CCDC83: variants seen among roughly 807,000 people sequenced by gnomAD.
The protein encoded by CCDC83 is coiled-coil domain-containing protein 83.
CCDC83 carries 54 observed loss-of-function variants against 50.1 expected under a neutral mutation model. The observed-to-expected ratio is 1.08, with a 90% confidence interval of 0.87 to 1.35. The LOEUF is 1.35. Ranked by LOEUF, CCDC83 falls within the 40% of genes most tolerant of loss-of-function variation. The pLI, the probability that CCDC83 is intolerant of heterozygous loss-of-function variation, is 0.00. For synonymous variants in CCDC83, 161 were observed against 153.3 expected (o/e 1.05, Z -0.37); for missense variants, 518 against 473.9 (o/e 1.09, Z -0.86).
chr11:85,880,993 T>C (rs1341608224), intron 3 of CCDC83, among the ~76,000 whole-genome samples: 1 of 152,192 alleles, frequency 6.6e-6, no homozygotes, highest in Non-Finnish European at 1.5e-5. Context: ...GTGTTTGGTG[T>C]GCCTGCATTT....
intron 7 of CCDC83, among the ~76,000 whole-genome samples, chr11:85,908,007 T>G (rs886381980): frequency 1.3e-5 from 2 of 152,176 alleles, no homozygotes. Context: ...CCTTAAGGCA[T>G]TCAAGCTTGT....
At chr11:85,902,422 G>A (rs1419132445) in intron 7 of CCDC83, among the ~76,000 whole-genome samples, 1 of 152,130 alleles carries the variant, frequency 6.6e-6, no homozygotes, top group Non-Finnish European at 1.5e-5. Context: ...GAGAAAAACA[G>A]GAAACAGTAT....
Position 85,886,201 on chromosome 11 carries a change from T to A in CCDC83, c.345T>A (p.Asp115Glu). The change falls in exon 5 of 11, where the codon GAT becomes GAA. Residue 115 changes from aspartate to glutamate, a missense_variant and splice_region_variant. Physicochemically the swap from Asp to Glu is conservative, Grantham distance 45. Transcript: ENST00000342404. ...ACACAGTGTCTTTATTTTCAACAGA[T>A]ATGCGCATGCAAATAAGTAATGCTG... ...FERDQEKNLR[D>E]MRMQISNAEK... 3 of 1,571,420 alleles carry A rather than the reference T, an allele frequency of 1.9e-6. No homozygotes were observed. Among genetic ancestry groups the A allele is most frequent in the Non-Finnish European group, 2.6e-6 (3 of 1,160,258 alleles).
chr11:85,908,608 T>TAGATAGAC lies in CCDC83; in HGVS notation c.673-2670_673-2669insTAGACAGA, dbSNP rs1189804934. On this transcript the variant is annotated intron_variant, in intron 7 of 10. Coordinates refer to ENST00000342404, the MANE Select transcript of CCDC83 (RefSeq NM_001286159.2). ...ATAGATAGATAGATAGATAGATAGA[T>TAGATAGAC]AGACAGATAGAATTCATGGCCGGGT... Among the ~76,000 whole-genome samples the TAGATAGAC allele has an allele frequency of 3.1e-3, 413 of 133,246 alleles. 6 individuals are homozygous for TAGATAGAC. The highest frequency in any genetic ancestry group is 3.8e-3 in the African/African-American group (136 of 35,594). 87.4% of individuals were successfully genotyped at this position (133,246 alleles called of 152,430 possible).
At chr11:85,883,539 C>T (rs972609382) in intron 4 of CCDC83, among the ~76,000 whole-genome samples, 1 of 152,066 alleles carries the variant, frequency 6.6e-6, no homozygotes, top group African/African-American at 2.4e-5. Flanking sequence ...TTGCTGTAGG[C>T]TTAGGAAATA....
chr11:85,916,177 G>A lies in CCDC83; in HGVS notation c.1024G>A (p.Glu342Lys). The A allele has an allele frequency of 6.2e-7, 1 of 1,613,496 alleles. No individual in the cohort carries two copies. Among genetic ancestry groups the A allele is most frequent in the Non-Finnish European group, 8.5e-7 (1 of 1,179,618 alleles). Residue 342 changes from glutamate to lysine, a missense_variant, in exon 10 of 11, where the codon GAG becomes AAG. By Grantham distance (56) the Glu-to-Lys change is moderately conservative. Coordinates refer to ENST00000342404, the MANE Select transcript of CCDC83 (RefSeq NM_001286159.2). ...KIDKEENSGT[E>K]FGDTDMKYLL... The stretch of plus-strand genomic sequence containing the variant: ...AGATAAAGAGGAAAACTCAGGCACA[G>A]AGTTTGGGGACACTGATATGAAGTA...
chr11:85,911,406 A>G lies in CCDC83; in HGVS notation c.794+4A>G. On this transcript the variant is annotated splice_donor_region_variant and intron_variant, in intron 8 of 10. Coordinates refer to ENST00000342404, the MANE Select transcript of CCDC83 (RefSeq NM_001286159.2). ...TTGTGGATCTCAAGATACCCAGGTG[A>G]AAATTGTTAATATATAGAGAGTATT... The G allele has an allele frequency of 6.3e-7, 1 of 1,581,122 alleles. No homozygotes were observed. Among genetic ancestry groups the G allele is most frequent in the Non-Finnish European group, 8.6e-7 (1 of 1,166,364 alleles).
chr11:85,900,973 G>A (rs1055423407), intron 7 of CCDC83, among the ~76,000 whole-genome samples: 1 of 151,824 alleles, frequency 6.6e-6, no homozygotes, highest in African/African-American at 2.4e-5. Context: ...GCTAAAGTAT[G>A]AGAATCGCTT....
At position 85,883,146 on chromosome 11, in the gene CCDC83, G is replaced by A. The variant is rs1378009625; in HGVS notation, c.343+471G>A. 2.6e-5 allele frequency among the ~76,000 whole-genome samples: 4 copies of A among 152,034 alleles called. No individual in the cohort carries two copies. In the East Asian group the frequency reaches 5.8e-4, roughly 22 times the overall value. ...TTGCCCAGGCTGGTCTCGAACTCCT[G>A]GGCTCAAGGGATAGTCCCACCTCAG... On this transcript the variant is annotated intron_variant, in intron 4 of 10. Coordinates refer to ENST00000342404, the MANE Select transcript of CCDC83 (RefSeq NM_001286159.2).
At chr11:85,918,467 C>T (rs1336724320) in intron 10 of CCDC83, among the ~76,000 whole-genome samples, 1 of 152,210 alleles carries the variant, frequency 6.6e-6, no homozygotes, top group Non-Finnish European at 1.5e-5. Flanking sequence ...GCATGGGAGA[C>T]TTCCTGGAGG....
chr11:85,857,549 A>T lies in CCDC83; in HGVS notation c.-29+1965A>T, dbSNP rs150534664. ...TCGGGGATGTGAGGCATCTTCAAGG[A>T]GACCATGATTGGGGTCCACAAGCTA... On this transcript the variant is annotated intron_variant, in intron 1 of 10. Transcript: ENST00000342404. 2.0e-3 allele frequency among the ~76,000 whole-genome samples: 299 copies of T among 152,314 alleles called. 1 individual carries two copies. The highest frequency in any genetic ancestry group is 6.9e-3 in the African/African-American group (285 of 41,560).
At chr11:85,879,762 A>G (rs1026139502) in intron 3 of CCDC83, among the ~76,000 whole-genome samples, 1 of 152,018 alleles carries the variant, frequency 6.6e-6, no homozygotes, top group East Asian at 1.9e-4. Flanking sequence ...TGGGATTACA[A>G]GCAGCTGCCA....
In CCDC83 at chr11:85,882,598, T is replaced by G; in HGVS notation, c.266T>G (p.Val89Gly). The G allele has an allele frequency of 6.2e-7, 1 of 1,613,958 alleles. No individual in the cohort carries two copies. Among genetic ancestry groups the G allele is most frequent in the South Asian group, 1.1e-5 (1 of 91,066 alleles). The change falls in exon 4 of 11, where the codon GTT becomes GGT. Residue 89 changes from valine (V) to glycine (G), a missense_variant. Val to Gly is a moderately radical substitution (Grantham distance 109, BLOSUM62 -3). Coordinates refer to ENST00000342404, the MANE Select transcript of CCDC83 (RefSeq NM_001286159.2). Reference sequence around the variant, plus strand: ...GAAGAGAAGGCAGAGGGATTGCCAGTTGTAACAAGAGAGGATGTTGAAGAA... The same window carrying G: ...GAAGAGAAGGCAGAGGGATTGCCAGGTGTAACAAGAGAGGATGTTGAAGAA... ...LSEEKAEGLP[V>G]VTREDVEEAM...
intron 7 of CCDC83, among the ~76,000 whole-genome samples, chr11:85,904,540 C>A (rs548861187): frequency 6.6e-6 from 1 of 152,186 alleles, no homozygotes; most frequent in Admixed American, 6.5e-5. Context: ...TGAGAGAACG[C>A]ACTTCAGCTA....
intron 8 of CCDC83, among the ~76,000 whole-genome samples, chr11:85,914,649 C>A (rs1161166702): frequency 6.6e-6 from 1 of 152,204 alleles, no homozygotes; most frequent in African/African-American, 2.4e-5. Context: ...GCCATGCTCA[C>A]TCTCAATTTT....
At chr11:85,905,380 T>G (rs1362807531) in intron 7 of CCDC83, among the ~76,000 whole-genome samples, 2 of 148,636 alleles carry the variant, frequency 1.3e-5, no homozygotes, top group Non-Finnish European at 3.0e-5. Flanking sequence ...AGGCAAAGTT[T>G]GCAGTGAGCC....
intron 3 of CCDC83, among the ~76,000 whole-genome samples, chr11:85,878,205 T>A (rs2093279102): frequency 6.6e-6 from 1 of 152,184 alleles, no homozygotes; most frequent in Non-Finnish European, 1.5e-5. Context: ...TAGCTTCTCA[T>A]AACATACTAC....
In CCDC83 at chr11:85,883,303, T is replaced by C. The variant is rs939912027; in HGVS notation, c.343+628T>C. Among the ~76,000 whole-genome samples the C allele has an allele frequency of 3.3e-5, 5 of 152,208 alleles. No individual in the cohort carries two copies. The South Asian group carries it at 1.0e-3, about 32-fold the overall frequency. The stretch of plus-strand genomic sequence containing the variant: ...TGTTCTTTTTCTTTTTTTTCTTTTT[T>C]TTTTTAATTCTGTTGTTTGGTGGTT... On this transcript the variant is annotated intron_variant, in intron 4 of 10. Coordinates refer to ENST00000342404, the MANE Select transcript of CCDC83 (RefSeq NM_001286159.2).
intron 7 of CCDC83, 30 bp from the exon 8 acceptor site, chr11:85,911,251 C>A (rs1308485848): frequency 1.3e-6 from 2 of 1,543,668 alleles, no homozygotes; most frequent in Admixed American, 2.0e-5. Flanking sequence ...TCAATAAGTA[C>A]CAACATTCAT....
Sources: allele counts gnomAD v4.1 joint callset (sites outside exome capture counted in the v4.1 genomes callset), GRCh38; gene constraint gnomAD v4.1.1; transcripts MANE v1.5; gene names NCBI Gene and HGNC (gene_info 2026-07-23, HGNC 2026-07-21).